The following PLXDC2 variants were observed in gnomAD, a reference collection of about 807,000 sequenced individuals.
The protein encoded by PLXDC2 is plexin domain-containing protein 2.
In PLXDC2, 40 loss-of-function variants were observed where a neutral mutation model predicts 68.9. The observed-to-expected ratio is 0.58, with a 90% CI of 0.45 to 0.76. The LOEUF (loss-of-function observed/expected upper bound fraction) is 0.76. PLXDC2 is among the 30% of genes least tolerant of loss of function. The probability of loss-of-function intolerance (pLI) is 0.00; values close to 1 mark genes in which losing one functional copy is unlikely to be tolerated. For synonymous variants in PLXDC2, 243 were observed against 234.2 expected (o/e 1.04, Z -0.34); for missense variants, 644 against 661.9 (o/e 0.97, Z 0.30).
chr10:19,869,536 T>A (rs1837494722), intron 1 of PLXDC2, among the ~76,000 whole-genome samples: 2 of 150,540 alleles, frequency 1.3e-5, no homozygotes, highest in Non-Finnish European at 2.9e-5. Flanking sequence ...AAGCCAACAT[T>A]TTTTCTCATT....
Position 19,817,133 on chromosome 10 carries a change from C to A in PLXDC2, c.54C>A (p.Cys18Ter). The A allele has an allele frequency of 6.3e-7, 1 of 1,575,698 alleles. No homozygotes were observed. Among genetic ancestry groups the A allele is most frequent in the Non-Finnish European group, 8.6e-7 (1 of 1,157,594 alleles). ...DLAAAGVMLL[C>*]HFFTDQFQFA... Reference sequence around the variant, plus strand: ...CCGCTGCAGGAGTTATGTTACTTTGCCACTTCTTCACGGACCAGTTTCAGT... The same window carrying A: ...CCGCTGCAGGAGTTATGTTACTTTGACACTTCTTCACGGACCAGTTTCAGT... Residue 18 changes from cysteine (C) to a stop codon, truncating the protein, a stop_gained, in exon 1 of 14, where the codon TGC becomes TGA. Coordinates refer to ENST00000377252, the MANE Select transcript of PLXDC2 (RefSeq NM_032812.9). LOFTEE classifies it high-confidence loss of function.
intron 1 of PLXDC2, among the ~76,000 whole-genome samples, chr10:19,821,229 C>T (rs1178323686): frequency 6.6e-6 from 1 of 152,228 alleles, no homozygotes; most frequent in South Asian, 2.1e-4. Context: ...TCTCCCCTGC[C>T]TGTTCTTGAA....
chr10:19,893,358 T>C (rs1480008531), intron 1 of PLXDC2, among the ~76,000 whole-genome samples: 1 of 152,224 alleles, frequency 6.6e-6, no homozygotes, highest in Non-Finnish European at 1.5e-5. Flanking sequence ...TATCCAGTTA[T>C]TTCATTGGTT....
chr10:20,089,160 C>T (rs1322510617), intron 4 of PLXDC2, among the ~76,000 whole-genome samples: 1 of 144,708 alleles, frequency 6.9e-6, no homozygotes, highest in African/African-American at 2.6e-5. Context: ...AAAAAAAAAC[C>T]TGTATATACG....
At chr10:20,089,728 G>A (rs79938866) in intron 4 of PLXDC2, among the ~76,000 whole-genome samples, 1 of 152,128 alleles carries the variant, frequency 6.6e-6, no homozygotes, top group African/African-American at 2.4e-5. Context: ...AGACTACAAA[G>A]GAAGCATTTG....
At chr10:20,166,015 A>G (rs1834369707) in intron 7 of PLXDC2, among the ~76,000 whole-genome samples, 1 of 152,200 alleles carries the variant, frequency 6.6e-6, no homozygotes. Flanking sequence ...ATATATCTCA[A>G]GATGAGATCA....
intron 1 of PLXDC2, among the ~76,000 whole-genome samples, chr10:19,973,441 T>A (rs1236191520): frequency 6.6e-6 from 1 of 151,706 alleles, no homozygotes; most frequent in Non-Finnish European, 1.5e-5. Flanking sequence ...ATTGTCTTCA[T>A]TATTGTCAAG....
intron 4 of PLXDC2, among the ~76,000 whole-genome samples, chr10:20,089,354 G>A (rs1378316651): frequency 2.0e-5 from 3 of 152,130 alleles, no homozygotes; most frequent in Non-Finnish European, 4.4e-5. Flanking sequence ...GCTTGTGGTA[G>A]GCTGAGAAGC....
At chr10:20,140,746 A>G (rs1362906314) in intron 4 of PLXDC2, among the ~76,000 whole-genome samples, 2 of 152,132 alleles carry the variant, frequency 1.3e-5, no homozygotes, top group East Asian at 1.9e-4. Flanking sequence ...GTCATTAGAA[A>G]CTGACGTGAG....
chr10:20,258,111 C>T (rs1835766098), intron 13 of PLXDC2, among the ~76,000 whole-genome samples: 1 of 149,726 alleles, frequency 6.7e-6, no homozygotes, highest in Non-Finnish European at 1.5e-5. Flanking sequence ...AAGCAATTCT[C>T]CTGCCTCCGC....
At chr10:19,903,542 T>C (rs74887957) in intron 1 of PLXDC2, among the ~76,000 whole-genome samples, 3,535 of 152,148 alleles carry the variant, frequency 0.023, 128 homozygotes, top group African/African-American at 0.08. Flanking sequence ...TCGTTTCTAA[T>C]TGAGCTTATT....
chr10:20,138,205 C>T (rs1833958154), intron 4 of PLXDC2, among the ~76,000 whole-genome samples: 1 of 152,130 alleles, frequency 6.6e-6, no homozygotes. Context: ...TTAGCCAGTG[C>T]TGAAATTGTT....
intron 9 of PLXDC2, among the ~76,000 whole-genome samples, chr10:20,196,990 G>A (rs974380896): frequency 8.7e-6 from 1 of 115,114 alleles, no homozygotes; most frequent in African/African-American, 3.4e-5. Context: ...GGCAAAGTTG[G>A]ATTTTTTTTT....
At chr10:19,946,439 A>G (rs1019681757) in intron 1 of PLXDC2, among the ~76,000 whole-genome samples, 3 of 151,852 alleles carry the variant, frequency 2.0e-5, no homozygotes, top group Admixed American at 6.6e-5. Flanking sequence ...TCCACATCCT[A>G]TTTCCCAGAA....
At chr10:20,155,782 C>G (rs1306629759) in intron 6 of PLXDC2, among the ~76,000 whole-genome samples, 1 of 152,072 alleles carries the variant, frequency 6.6e-6, no homozygotes, top group Admixed American at 6.6e-5. Flanking sequence ...CTCCCTTGAT[C>G]ATGTTCTGAT....
rs549934480 is a variant in PLXDC2, at chr10:20,082,594, A to G, written c.541+14355A>G. 6.1e-4 allele frequency among the ~76,000 whole-genome samples: 93 copies of G among 152,320 alleles called. No individual in the cohort carries two copies. The South Asian group carries it at 0.012, about 19-fold the overall frequency. ...CAAGTTTTGTAGCTCGATATTTTCT[A>G]TAAGGTATGGAGTAAAGAAACTCTC... On this transcript the variant is annotated intron_variant, in intron 4 of 13. Coordinates refer to ENST00000377252, the MANE Select transcript of PLXDC2 (RefSeq NM_032812.9).
chr10:20,199,362 T>A (rs986702999), intron 9 of PLXDC2, among the ~76,000 whole-genome samples: 4 of 151,944 alleles, frequency 2.6e-5, no homozygotes, highest in Non-Finnish European at 4.4e-5. Context: ...AAGGCAAGGA[T>A]GTGATCACCA....
chr10:19,970,408 G>A (rs1161188972), intron 1 of PLXDC2, among the ~76,000 whole-genome samples: 1 of 152,132 alleles, frequency 6.6e-6, no homozygotes, highest in Non-Finnish European at 1.5e-5. Context: ...TTCATATGAG[G>A]GAAATGGAAT....
At chr10:20,254,575 A>G (rs1019608410) in intron 13 of PLXDC2, among the ~76,000 whole-genome samples, 5 of 152,192 alleles carry the variant, frequency 3.3e-5, no homozygotes, top group Non-Finnish European at 7.3e-5. Flanking sequence ...GAAATAAAAT[A>G]CTTTTTATTT....
Sources: allele counts gnomAD v4.1 joint callset (sites outside exome capture counted in the v4.1 genomes callset), GRCh38; gene constraint gnomAD v4.1.1; transcripts MANE v1.5; gene names NCBI Gene and HGNC (gene_info 2026-07-23, HGNC 2026-07-21).